FAM43A: variants seen among roughly 807,000 people sequenced by gnomAD.
FAM43A encodes the protein protein FAM43A.
A neutral mutation model predicts 15.7 loss-of-function variants in FAM43A; 11 were observed. The observed-to-expected ratio is 0.70, with a 90% CI of 0.44 to 1.16. The LOEUF is 1.16. Ranked by LOEUF, FAM43A falls within the 50% of genes most tolerant of loss-of-function variation. The pLI is 0.00. For synonymous variants in FAM43A, 319 were observed against 291.7 expected (o/e 1.09, Z -0.96); for missense variants, 573 against 620.0 (o/e 0.92, Z 0.80).
rs201243224 is a variant in FAM43A, at chr3:194,687,166, A to T, written c.340A>T (p.Ser114Cys). 1.9e-6 allele frequency: 3 copies of T among 1,611,778 alleles called. No homozygotes were observed. Among genetic ancestry groups the T allele is most frequent in the Non-Finnish European group, 2.5e-6 (3 of 1,179,880 alleles). ...RQGTKMKLTVSAQGIRMVHAE... is the reference protein window; with the variant it reads ...RQGTKMKLTVCAQGIRMVHAE... ...GGGCACCAAGATGAAGCTGACGGTG[A>T]GTGCGCAGGGTATCCGCATGGTGCA... Residue 114 changes from serine (S) to cysteine (C), a missense_variant, in exon 1 of 1, where the codon AGT becomes TGT. Ser to Cys is a moderately radical substitution (Grantham distance 112). Coordinates refer to ENST00000329759, the MANE Select transcript of FAM43A (RefSeq NM_153690.5).
At position 194,687,402 on chromosome 3, in the gene FAM43A, G is replaced by C. The variant is rs776216684; in HGVS notation, c.576G>C (p.Ser192=). ...QAMALLLYQT[S]ANALAEFKRL... Reference sequence around the variant, plus strand: ...TGGCCCTGCTGCTCTACCAGACGTCGGCCAACGCGCTGGCGGAATTTAAAC... The same window carrying C: ...TGGCCCTGCTGCTCTACCAGACGTCCGCCAACGCGCTGGCGGAATTTAAAC... Residue 192 remains serine (S), a synonymous_variant, in exon 1 of 1, where the codon TCG becomes TCC. Coordinates refer to ENST00000329759, the MANE Select transcript of FAM43A (RefSeq NM_153690.5). The C allele has an allele frequency of 1.0e-5, 16 of 1,534,438 alleles. No individual in the cohort carries two copies. In the Middle Eastern group the frequency reaches 5.2e-4, roughly 50 times the overall value.
chr3:194,687,382 C>G lies in FAM43A; in HGVS notation c.556C>G (p.Leu186Val). The G allele has an allele frequency of 6.5e-7, 1 of 1,538,012 alleles. No individual in the cohort carries two copies. The highest frequency in any genetic ancestry group is 8.7e-7 in the Non-Finnish European group (1 of 1,144,282). Residue 186 changes from leucine to valine, a missense_variant, in exon 1 of 1, where the codon CTG (leucine) becomes GTG (valine). By Grantham distance (32) the Leu-to-Val change is conservative. Transcript: ENST00000329759. ...GCCCGAAAAGGCGCAGGCCATGGCC[C>G]TGCTGCTCTACCAGACGTCGGCCAA... ...SKPEKAQAMA[L>V]LLYQTSANAL... is the part of the protein sequence containing the mutation.
In FAM43A at chr3:194,688,352, A is replaced by T; in HGVS notation, c.*254A>T. ...AGAGGGGAAAACCCCGCCAGGAGGG[A>T]GAGAGAGGCACCCCTCTGGGATGCG... On this transcript the variant is annotated 3_prime_UTR_variant, in exon 1 of 1. Transcript: ENST00000329759. 2.6e-6 allele frequency: 1 copy of T among 391,946 alleles called. No homozygotes were observed. Among genetic ancestry groups the T allele is most frequent in the East Asian group, 3.9e-5 (1 of 25,376 alleles). The allele number at this position is 391,946 out of a possible 1,614,324, so 24.3% of individuals were successfully genotyped here. A position where few individuals can be genotyped will look rare whatever the true frequency, so the allele number is the denominator to read the frequency against.
Position 194,686,150 on chromosome 3 carries a change from C to T in FAM43A, c.-677C>T, listed in dbSNP as rs1272390130. On this transcript the variant is annotated 5_prime_UTR_variant, in exon 1 of 1. Coordinates refer to ENST00000329759, the MANE Select transcript of FAM43A (RefSeq NM_153690.5). ...GGAGCGAAGATGCAGTGAGTCCCCGCGGGACTGCTGCGCGGGGCCCGCCGC... is the reference window on the plus strand; with the variant it reads ...GGAGCGAAGATGCAGTGAGTCCCCGTGGGACTGCTGCGCGGGGCCCGCCGC... 6.6e-6 allele frequency among the ~76,000 whole-genome samples: 1 copy of T among 152,332 alleles called. No individual in the cohort carries two copies. Among genetic ancestry groups the T allele is most frequent in the African/African-American group, 2.4e-5 (1 of 41,586 alleles).
At position 194,688,049 on chromosome 3, in the gene FAM43A, C is replaced by T. The variant is rs1021414634; in HGVS notation, c.1223C>T (p.Ser408Leu). Residue 408 changes from serine to leucine, a missense_variant, in exon 1 of 1, where the codon TCG becomes TTG. Coordinates refer to ENST00000329759, the MANE Select transcript of FAM43A (RefSeq NM_153690.5). ...PDATSATAGD[S>L]SRQADGASAD... ...GCCACCTCCGCCACCGCCGGGGACT[C>T]GTCCCGCCAGGCCGACGGCGCCAGT... 1.4e-6 allele frequency: 2 copies of T among 1,410,688 alleles called. No individual in the cohort carries two copies. Among genetic ancestry groups the T allele is most frequent in the Non-Finnish European group, 9.2e-7 (1 of 1,081,724 alleles). 87.4% of individuals were successfully genotyped at this position (1,410,688 alleles called of 1,614,324 possible).
chr3:194,688,040 C>G lies in FAM43A; in HGVS notation c.1214C>G (p.Ala405Gly). 7.1e-7 allele frequency: 1 copy of G among 1,417,320 alleles called. No individual in the cohort carries two copies. 87.8% of individuals were successfully genotyped at this position (1,417,320 alleles called of 1,614,324 possible). A position where few individuals can be genotyped will look rare whatever the true frequency, so the allele number is the denominator to read the frequency against. The change falls in exon 1 of 1, where the codon GCC becomes GGC. Residue 405 changes from alanine (A) to glycine (G), a missense_variant. Transcript: ENST00000329759. ...GGCCCTGACGCCACCTCCGCCACCG[C>G]CGGGGACTCGTCCCGCCAGGCCGAC... ...GGGPDATSATAGDSSRQADGA... is the reference protein window; with the variant it reads ...GGGPDATSATGGDSSRQADGA...
chr3:194,686,880 G>T lies in FAM43A; in HGVS notation c.54G>T (p.Arg18=). The T allele has an allele frequency of 1.9e-6, 3 of 1,600,752 alleles. No individual in the cohort carries two copies. Among genetic ancestry groups the T allele is most frequent in the Middle Eastern group, 1.7e-4 (1 of 6,020 alleles). Residue 18 remains arginine, a synonymous_variant, in exon 1 of 1, where the codon CGG becomes CGT. Coordinates refer to ENST00000329759, the MANE Select transcript of FAM43A (RefSeq NM_153690.5). ...KFELLAEAPP[R]QASKPKGYAV... is the part of the protein sequence containing the mutation. ...AGCTGCTGGCCGAGGCGCCGCCGCG[G>T]CAGGCGTCCAAGCCCAAGGGCTACG...
In FAM43A at chr3:194,686,192, C is replaced by T. The variant is rs1477862995; in HGVS notation, c.-635C>T. 6.6e-6 allele frequency among the ~76,000 whole-genome samples: 1 copy of T among 152,236 alleles called. No homozygotes were observed. Among genetic ancestry groups the T allele is most frequent in the Non-Finnish European group, 1.5e-5 (1 of 68,042 alleles). ...GCCCGCCGCGGCCAGCCGGACCCAGCATCCGACCGCACTTTGGGCGAGCTG... is the reference window on the plus strand; with the variant it reads ...GCCCGCCGCGGCCAGCCGGACCCAGTATCCGACCGCACTTTGGGCGAGCTG... On this transcript the variant is annotated 5_prime_UTR_variant, in exon 1 of 1. Transcript: ENST00000329759.
Position 194,687,387 on chromosome 3 carries a change from G to T in FAM43A, c.561G>T (p.Leu187=). 6.5e-7 allele frequency: 1 copy of T among 1,536,868 alleles called. No individual in the cohort carries two copies. Among genetic ancestry groups the T allele is most frequent in the Non-Finnish European group, 8.7e-7 (1 of 1,142,990 alleles). The change falls in exon 1 of 1, where the codon CTG becomes CTT. Residue 187 remains leucine, a synonymous_variant. Coordinates refer to ENST00000329759, the MANE Select transcript of FAM43A (RefSeq NM_153690.5). The part of the protein sequence containing the change: ...KPEKAQAMAL[L]LYQTSANALA... ...AAAAGGCGCAGGCCATGGCCCTGCTGCTCTACCAGACGTCGGCCAACGCGC... is the reference window on the plus strand; with the variant it reads ...AAAAGGCGCAGGCCATGGCCCTGCTTCTCTACCAGACGTCGGCCAACGCGC...
Position 194,686,942 on chromosome 3 carries a change from C to T in FAM43A, c.116C>T (p.Ala39Val). 3 of 1,610,244 alleles carry T rather than the reference C, an allele frequency of 1.9e-6. No homozygotes were observed. The highest frequency in any genetic ancestry group is 2.5e-6 in the Non-Finnish European group (3 of 1,177,896). ...CACTACTCGGCGCTCAGCTCGCTGG[C>T]GCGGGCGTGCCCCGAAGGCGCGCTT... Reference protein sequence around the residue: ...SLHYSALSSLARACPEGALSR... With the variant: ...SLHYSALSSLVRACPEGALSR... The change falls in exon 1 of 1, where the codon GCG becomes GTG. Residue 39 changes from alanine (A) to valine (V), a missense_variant. Ala to Val is a moderately conservative substitution (Grantham distance 64, BLOSUM62 0). Coordinates refer to ENST00000329759, the MANE Select transcript of FAM43A (RefSeq NM_153690.5).
chr3:194,686,149 G>C lies in FAM43A; in HGVS notation c.-678G>C, dbSNP rs368673627. 3.9e-5 allele frequency among the ~76,000 whole-genome samples: 6 copies of C among 152,212 alleles called. No individual in the cohort carries two copies. In the East Asian group the frequency reaches 9.6e-4, roughly 24 times the overall value. On this transcript the variant is annotated 5_prime_UTR_variant, in exon 1 of 1. Coordinates refer to ENST00000329759, the MANE Select transcript of FAM43A (RefSeq NM_153690.5). Reference sequence around the variant, plus strand: ...CGGAGCGAAGATGCAGTGAGTCCCCGCGGGACTGCTGCGCGGGGCCCGCCG... The same window carrying C: ...CGGAGCGAAGATGCAGTGAGTCCCCCCGGGACTGCTGCGCGGGGCCCGCCG...
Position 194,687,797 on chromosome 3 carries a change from C to T in FAM43A, c.971C>T (p.Ala324Val). 1.4e-6 allele frequency: 2 copies of T among 1,456,436 alleles called. No homozygotes were observed. Among genetic ancestry groups the T allele is most frequent in the Non-Finnish European group, 1.8e-6 (2 of 1,100,852 alleles). 90.2% of individuals were successfully genotyped at this position (1,456,436 alleles called of 1,614,324 possible). ...ACTCTGGAGAATGGCCGTGGGGAGG[C>T]GCTAGGAGGCGGCGGGGGCTCCCTG... is the stretch of plus-strand genomic sequence containing the variant. The part of the protein sequence containing the change: ...LDTLENGRGE[A>V]LGGGGGSLGP... Residue 324 changes from alanine (A) to valine (V), a missense_variant, in exon 1 of 1, where the codon GCG (alanine) becomes GTG (valine). By Grantham distance (64) the Ala-to-Val change is moderately conservative (BLOSUM62 0). Transcript: ENST00000329759.
At position 194,687,195 on chromosome 3, in the gene FAM43A, C is replaced by G; in HGVS notation, c.369C>G (p.Ala123=). The change falls in exon 1 of 1, where the codon GCC becomes GCG. Residue 123 remains alanine (A), a synonymous_variant. Transcript: ENST00000329759. ...VSAQGIRMVH[A]EERALRRPGH... is the part of the protein sequence containing the mutation. ...CGCAGGGTATCCGCATGGTGCACGCCGAGGAGCGCGCGCTGCGCCGCCCGG... is the reference window on the plus strand; with the variant it reads ...CGCAGGGTATCCGCATGGTGCACGCGGAGGAGCGCGCGCTGCGCCGCCCGG... The G allele has an allele frequency of 3.7e-6, 6 of 1,607,348 alleles. No homozygotes were observed. The highest frequency in any genetic ancestry group is 5.1e-6 in the Non-Finnish European group (6 of 1,179,522).
Position 194,687,574 on chromosome 3 carries a change from C to A in FAM43A, c.748C>A (p.Leu250Ile), listed in dbSNP as rs1368372722. ...GGAGCGCAGCCGCAGCGCGCCCAAG[C>A]TTGGCTCCATCACCGAGGACCTGCT... is the stretch of plus-strand genomic sequence containing the variant. ...PVERSRSAPK[L>I]GSITEDLLGE... The change falls in exon 1 of 1, where the codon CTT becomes ATT. Residue 250 changes from leucine (L) to isoleucine (I), a missense_variant. By Grantham distance (5) the Leu-to-Ile change is conservative (BLOSUM62 2). Transcript: ENST00000329759. 2 of 1,587,322 alleles carry A rather than the reference C, an allele frequency of 1.3e-6. No individual in the cohort carries two copies. The highest frequency in any genetic ancestry group is 1.8e-5 in the Admixed American group (1 of 56,650).
chr3:194,687,721 C>T lies in FAM43A; in HGVS notation c.895C>T (p.Gln299Ter), dbSNP rs1197216380. The T allele has an allele frequency of 6.4e-7, 1 of 1,560,004 alleles. No individual in the cohort carries two copies. The highest frequency in any genetic ancestry group is 1.2e-5 in the South Asian group (1 of 84,954). Residue 299 changes from glutamine (Q) to a stop codon, truncating the protein, a stop_gained, in exon 1 of 1, where the codon CAG (glutamine) becomes TAG (stop). Transcript: ENST00000329759. LOFTEE classifies it low-confidence loss of function (END_TRUNC). ...GDPAEEEAEA[Q>*]RALVVAMHFE... is the part of the protein sequence containing the mutation. Reference sequence around the variant, plus strand: ...TCCAGCAGAGGAGGAGGCCGAGGCGCAGCGTGCGCTAGTGGTCGCCATGCA... The same window carrying T: ...TCCAGCAGAGGAGGAGGCCGAGGCGTAGCGTGCGCTAGTGGTCGCCATGCA...
In FAM43A at chr3:194,688,528, T is replaced by TAAA. The variant is rs5855590; in HGVS notation, c.*443_*445dup. On this transcript the variant is annotated 3_prime_UTR_variant, in exon 1 of 1. Coordinates refer to ENST00000329759, the MANE Select transcript of FAM43A (RefSeq NM_153690.5). ...CCCTGCGCTGTCACTGACATCTCAT[T>TAAA]AAAAAAAAAAAAAAATTTGCTCTCA... 1.1e-4 allele frequency: 17 copies of TAAA among 160,256 alleles called. No individual in the cohort carries two copies. Among genetic ancestry groups the TAAA allele is most frequent in the East Asian group, 2.0e-4 (1 of 4,970 alleles). The allele number at this position is 160,256 out of a possible 1,614,324, so 9.9% of individuals were successfully genotyped here.
rs763389184 is a variant in FAM43A at position 194,686,900 on chromosome 3, G to A, written c.74G>A (p.Gly25Asp). ...APPRQASKPK[G>D]YAVSLHYSAL... ...CCGCGGCAGGCGTCCAAGCCCAAGG[G>A]CTACGCTGTGAGCCTGCACTACTCG... is the stretch of plus-strand genomic sequence containing the variant. The change falls in exon 1 of 1, where the codon GGC (glycine) becomes GAC (aspartate). Residue 25 changes from glycine to aspartate, a missense_variant. Physicochemically the swap from Gly to Asp is moderately conservative, Grantham distance 94. Transcript: ENST00000329759. 8.1e-6 allele frequency: 13 copies of A among 1,609,754 alleles called. No homozygotes were observed. The highest frequency in any genetic ancestry group is 1.0e-5 in the Non-Finnish European group (12 of 1,178,736).
In FAM43A at chr3:194,688,063, G is replaced by A. The variant is rs766042722; in HGVS notation, c.1237G>A (p.Asp413Asn). ...CGCCGGGGACTCGTCCCGCCAGGCC[G>A]ACGGCGCCAGTGCAGACGAGCCCCA... ...ATAGDSSRQA[D>N]GASADEPHSG Residue 413 changes from aspartate to asparagine, a missense_variant, in exon 1 of 1, where the codon GAC becomes AAC. Coordinates refer to ENST00000329759, the MANE Select transcript of FAM43A (RefSeq NM_153690.5). 2.8e-6 allele frequency: 4 copies of A among 1,405,618 alleles called. No homozygotes were observed. Among genetic ancestry groups the A allele is most frequent in the Non-Finnish European group, 3.7e-6 (4 of 1,078,878 alleles). The allele number at this position is 1,405,618 out of a possible 1,614,324, so 87.1% of individuals were successfully genotyped here.
rs868385594 is a variant in FAM43A, at chr3:194,687,751, G to C, written c.925G>C (p.Glu309Gln). The change falls in exon 1 of 1, where the codon GAG becomes CAG. Residue 309 changes from glutamate to glutamine, a missense_variant. Physicochemically the swap from Glu to Gln is conservative, Grantham distance 29. Transcript: ENST00000329759. ...TGCGCTAGTGGTCGCCATGCACTTT[G>C]AGTGCGGGGACTTGTTGGATACTCT... ...QRALVVAMHF[E>Q]CGDLLDTLEN... 1.3e-6 allele frequency: 2 copies of C among 1,545,078 alleles called. No individual in the cohort carries two copies. Among genetic ancestry groups the C allele is most frequent in the Non-Finnish European group, 1.7e-6 (2 of 1,142,872 alleles).
Sources: gnomAD v4.1 joint callset for allele counts (sites outside exome capture counted in the v4.1 genomes callset) on GRCh38, gnomAD v4.1.1 for gene constraint, MANE v1.5 for transcripts, NCBI Gene and HGNC (gene_info 2026-07-23, HGNC 2026-07-21) for gene names.